LAG3: variants seen among roughly 807,000 people sequenced by gnomAD.
The protein encoded by LAG3 is lymphocyte activating 3.
Under a neutral mutation model 49.0 loss-of-function variants are expected in LAG3, and 29 were observed. That is an observed-to-expected ratio of 0.59 (90% CI 0.44 to 0.81). The LOEUF (loss-of-function observed/expected upper bound fraction) is 0.81, where lower values mean the gene tolerates loss of function less well. Ranked by LOEUF, LAG3 falls within the 30% of genes least tolerant of loss-of-function variation. The pLI is 0.00. For synonymous variants in LAG3, 320 were observed against 297.3 expected (o/e 1.08, Z -0.79); for missense variants, 693 against 695.2 (o/e 1.00, Z 0.04).
rs1182462627 is a variant in LAG3, at chr12:6,772,793, C to A, written c.-60C>A. ...CTTTACCCCCCACCCCCCACCACTG[C>A]CCCCTTTCCTTTTCTGACCTCCTTT... On this transcript the variant is annotated 5_prime_UTR_variant, in exon 1 of 8. Coordinates refer to ENST00000203629, the MANE Select transcript of LAG3 (RefSeq NM_002286.6). 5.5e-6 allele frequency: 6 copies of A among 1,095,490 alleles called. No individual in the cohort carries two copies. The highest frequency in any genetic ancestry group is 8.0e-6 in the Non-Finnish European group (6 of 750,004). 67.9% of individuals were successfully genotyped at this position (1,095,490 alleles called of 1,614,324 possible).
At chr12:6,778,218 G>GTC in intron 7 of LAG3, 26 bp from the exon 8 acceptor site, 2 of 1,556,600 alleles carry the variant, frequency 1.3e-6, no homozygotes, top group Non-Finnish European at 1.7e-6. Flanking sequence ...TCCGCCCTCC[G>GTC]TCTCTCTCTC....
At chr12:6,774,314 G>C (rs1882546) in intron 3 of LAG3, among the ~76,000 whole-genome samples, 4,181 of 152,268 alleles carry the variant, frequency 0.027, 385 homozygotes, top group East Asian at 0.2. Context: ...TGTAGCTCAG[G>C]GGGTGGGCTT....
Position 6,773,634 on chromosome 12 carries a change from G to A in LAG3, c.207-63G>A, listed in dbSNP as rs1440866010. On this transcript the variant is annotated intron_variant, in intron 2 of 7. Transcript: ENST00000203629. This position sits in a 1 kb window ranked among gnomAD's most constrained non-coding sequence, Gnocchi z 5.5. Reference sequence around the variant, plus strand: ...GCTTTCTCATCCTCAACGGGTGGCTGCCTGCATCCTCCCGGGCTTCCTACC... The same window carrying A: ...GCTTTCTCATCCTCAACGGGTGGCTACCTGCATCCTCCCGGGCTTCCTACC... The A allele has an allele frequency of 1.5e-6, 2 of 1,334,156 alleles. No homozygotes were observed. Among genetic ancestry groups the A allele is most frequent in the African/African-American group, 3.1e-5 (2 of 65,084 alleles). 82.6% of individuals were successfully genotyped at this position (1,334,156 alleles called of 1,614,324 possible). A position where few individuals can be genotyped will look rare whatever the true frequency, so the allele number is the denominator to read the frequency against.
At position 6,773,412 on chromosome 12, in the gene LAG3, T is replaced by A; in HGVS notation, c.206+73T>A. ...ACCCCACACCCGTGCCGGTCCTCTG[T>A]CCCCTGCCCTGAGGTGTCACTCCCT... On this transcript the variant is annotated intron_variant, in intron 2 of 7. Coordinates refer to ENST00000203629, the MANE Select transcript of LAG3 (RefSeq NM_002286.6). The surrounding 1 kb of genome is among the most constrained non-coding windows in gnomAD (Gnocchi z 5.5). The A allele has an allele frequency of 6.5e-7, 1 of 1,549,050 alleles. No homozygotes were observed. Among genetic ancestry groups the A allele is most frequent in the Non-Finnish European group, 8.8e-7 (1 of 1,136,856 alleles).
chr12:6,772,783 C>CCCCCCCCT lies in LAG3; in HGVS notation c.-68_-67insCCCCCTCC. 1 of 1,121,564 alleles carries CCCCCCCCT rather than the reference C, an allele frequency of 8.9e-7. No homozygotes were observed. Among genetic ancestry groups the CCCCCCCCT allele is most frequent in the Non-Finnish European group, 1.3e-6 (1 of 770,356 alleles). 69.5% of individuals were successfully genotyped at this position (1,121,564 alleles called of 1,614,324 possible). On this transcript the variant is annotated 5_prime_UTR_variant, in exon 1 of 8. Transcript: ENST00000203629. ...AGAACTTCTCCTTTACCCCCCACCC[C>CCCCCCCCT]CCACCACTGCCCCCTTTCCTTTTCT...
Position 6,775,350 on chromosome 12 carries a change from G to A in LAG3, c.859G>A (p.Gly287Ser). 3 of 1,614,232 alleles carry A rather than the reference G, an allele frequency of 1.9e-6. No individual in the cohort carries two copies. Among genetic ancestry groups the A allele is most frequent in the Non-Finnish European group, 2.5e-6 (3 of 1,180,044 alleles). Reference protein sequence around the residue: ...RVGLPCRLPAGVGTRSFLTAK... With the variant: ...RVGLPCRLPASVGTRSFLTAK... The stretch of plus-strand genomic sequence containing the variant: ...GGGGCTGCCCTGCCGCCTGCCTGCT[G>A]GTGTGGGGACCCGGTCTTTCCTCAC... The change falls in exon 5 of 8, where the codon GGT becomes AGT. Residue 287 changes from glycine (G) to serine (S), a missense_variant. Transcript: ENST00000203629.
At chr12:6,774,519 C>T (rs1941881898) in intron 3 of LAG3, 76 bp from the exon 4 acceptor site, 1 of 1,512,836 alleles carries the variant, frequency 6.6e-7, no homozygotes, top group South Asian at 1.3e-5. Flanking sequence ...TTTCCAGGAG[C>T]TTCCGGCTTG....
At chr12:6,775,785 C>T (rs1941901167) in intron 5 of LAG3, 1 of 535,118 alleles carries the variant, frequency 1.9e-6, no homozygotes, top group African/African-American at 1.9e-5. Flanking sequence ...TGGGACTCCC[C>T]TGCTCTCAAT....
At chr12:6,774,523 C>A in intron 3 of LAG3, 72 bp from the exon 4 acceptor site, 2 of 1,522,716 alleles carry the variant, frequency 1.3e-6, no homozygotes, top group African/African-American at 1.4e-5. Context: ...CAGGAGCTTC[C>A]GGCTTGGCAG....
chr12:6,777,312 G>A lies in LAG3; in HGVS notation c.1106G>A (p.Cys369Tyr). ...CCTGGATCCCTGGGGAAGCTGCTTT[G>A]TGAGGTGACTCCAGTATCTGGACAA... Reference protein sequence around the residue: ...GSPGSLGKLLCEVTPVSGQER... With the variant: ...GSPGSLGKLLYEVTPVSGQER... The change falls in exon 6 of 8, where the codon TGT becomes TAT. Residue 369 changes from cysteine (C) to tyrosine (Y), a missense_variant. Cys to Tyr is a radical substitution (Grantham distance 194, BLOSUM62 -2). Transcript: ENST00000203629. The A allele has an allele frequency of 6.2e-7, 1 of 1,614,190 alleles. No individual in the cohort carries two copies. The highest frequency in any genetic ancestry group is 8.5e-7 in the Non-Finnish European group (1 of 1,180,032).
At position 6,774,726 on chromosome 12, in the gene LAG3, G is replaced by C. The variant is rs185282444; in HGVS notation, c.643G>C (p.Glu215Gln). 1.9e-6 allele frequency: 3 copies of C among 1,614,166 alleles called. No homozygotes were observed. Among genetic ancestry groups the C allele is most frequent in the Middle Eastern group, 1.6e-4 (1 of 6,062 alleles). ...NRGQGRVPVRESPHHHLAESF... is the reference protein window; with the variant it reads ...NRGQGRVPVRQSPHHHLAESF... ...GGGCCAGGGCCGAGTCCCTGTCCGG[G>C]AGTCCCCCCATCACCACTTAGCGGA... The change falls in exon 4 of 8, where the codon GAG becomes CAG. Residue 215 changes from glutamate to glutamine, a missense_variant. Physicochemically the swap from Glu to Gln is conservative, Grantham distance 29. Transcript: ENST00000203629.
At chr12:6,775,800 G>T in intron 5 of LAG3, 1 of 477,080 alleles carries the variant, frequency 2.1e-6, no homozygotes, top group Non-Finnish European at 3.7e-6. Flanking sequence ...CTCAATTGGC[G>T]GGAGGGTCTG....
chr12:6,772,785 C>CCCCCCCCCCCCCCT lies in LAG3; in HGVS notation c.-68_-67insCCCCCCCCCCCCCT. ...AACTTCTCCTTTACCCCCCACCCCC[C>CCCCCCCCCCCCCCT]ACCACTGCCCCCTTTCCTTTTCTGA... On this transcript the variant is annotated 5_prime_UTR_variant, in exon 1 of 8. Transcript: ENST00000203629. 1.7e-6 allele frequency: 2 copies of CCCCCCCCCCCCCCT among 1,163,354 alleles called. No homozygotes were observed. The highest frequency in any genetic ancestry group is 1.2e-6 in the Non-Finnish European group (1 of 802,990). 72.1% of individuals were successfully genotyped at this position (1,163,354 alleles called of 1,614,324 possible). A position where few individuals can be genotyped will look rare whatever the true frequency, so the allele number is the denominator to read the frequency against.
intron 5 of LAG3, among the ~76,000 whole-genome samples, 162 bp from the exon 6 acceptor site, chr12:6,777,102 G>A (rs1483130735): frequency 6.6e-6 from 1 of 151,942 alleles, no homozygotes; most frequent in South Asian, 2.1e-4. Context: ...AAAATAAATA[G>A]AAAGAAAAAG....
chr12:6,773,065 A>G lies in LAG3; in HGVS notation c.59-127A>G. 7.2e-7 allele frequency: 1 copy of G among 1,393,940 alleles called. No homozygotes were observed. Among genetic ancestry groups the G allele is most frequent in the Non-Finnish European group, 9.9e-7 (1 of 1,014,002 alleles). 86.3% of individuals were successfully genotyped at this position (1,393,940 alleles called of 1,614,324 possible). On this transcript the variant is annotated intron_variant, in intron 1 of 7. Transcript: ENST00000203629. The surrounding 1 kb of genome is among the most constrained non-coding windows in gnomAD (Gnocchi z 5.5). ...TTCCACCCCGAAAGCCTCTCTGGGC[A>G]GAGAAGAAACAGAAACCCAAGTTCT...
chr12:6,774,491 T>C, intron 3 of LAG3, 104 bp from the exon 4 acceptor site: 2 of 1,327,722 alleles, frequency 1.5e-6, no homozygotes, highest in East Asian at 4.6e-5. Context: ...AGAAGACAAG[T>C]CTAAAGCCAG....
intron 5 of LAG3, chr12:6,775,818 A>G: frequency 2.3e-6 from 1 of 444,080 alleles, no homozygotes. Context: ...CTGGGAAGTT[A>G]GAAGGAAAGG....
rs753452395 is a variant in LAG3, at chr12:6,778,327, A to ACCGGAG, written c.1533_1538dup (p.Pro522_Glu523dup). On this transcript the variant is annotated inframe_insertion, in exon 8 of 8. Coordinates refer to ENST00000203629, the MANE Select transcript of LAG3 (RefSeq NM_002286.6). ...GCAAGATAGAGGAGCTGGAGCAAGA[A>ACCGGAG]CCGGAGCCGGAGCCGGAGCCGGAAC... is the stretch of plus-strand genomic sequence containing the variant. The ACCGGAG allele has an allele frequency of 1.5e-3, 2,379 of 1,613,306 alleles. 4 individuals are homozygous for ACCGGAG. Among genetic ancestry groups the ACCGGAG allele is most frequent in the Non-Finnish European group, 1.7e-3 (1,953 of 1,179,738 alleles).
At chr12:6,774,932 C>A (rs1941889119) in intron 4 of LAG3, 68 bp downstream of exon 4, 4 of 1,485,312 alleles carry the variant, frequency 2.7e-6, no homozygotes. Context: ...CCTCCCCTAA[C>A]TATGGGTCCC....
Sources: gnomAD v4.1 joint callset for allele counts (sites outside exome capture counted in the v4.1 genomes callset) on GRCh38, gnomAD v4.1.1 for gene constraint, Gnocchi (gnomAD v3.1) non-coding constraint, MANE v1.5 for transcripts, NCBI Gene and HGNC (gene_info 2026-07-23, HGNC 2026-07-21) for gene names.